GPD2: variants seen among roughly 807,000 people sequenced by gnomAD.
GPD2 encodes the protein glycerol-3-phosphate dehydrogenase, mitochondrial.
A neutral mutation model predicts 82.4 loss-of-function variants in GPD2; 54 were observed. The ratio of observed to expected loss-of-function variants is 0.66; its 90% CI spans 0.53 to 0.82. The LOEUF is 0.82. Among genes scored for constraint, GPD2 ranks in the 40% least tolerant of loss-of-function variants. GPD2 has a pLI of 0.00. For missense variants in GPD2, 748 were observed against 896.2 expected, an observed-to-expected ratio of 0.83 and a Z score of 2.11; for synonymous variants, 288 against 306.1, an observed-to-expected ratio of 0.94 and a Z score of 0.62.
intron 2 of GPD2, among the ~76,000 whole-genome samples, chr2:156,492,886 A>G (rs1207722500): frequency 3.9e-5 from 6 of 152,230 alleles, no homozygotes; most frequent in Non-Finnish European, 8.8e-5. Context: ...ATTGACAGAG[A>G]AAAAGGTTTG....
chr2:156,489,008 G>A (rs1684049888), intron 2 of GPD2, among the ~76,000 whole-genome samples: 1 of 152,208 alleles, frequency 6.6e-6, no homozygotes, highest in Non-Finnish European at 1.5e-5. Context: ...TTTGTTTTGT[G>A]TGTTGGGCTC....
the GPD2 span, among the ~76,000 whole-genome samples, chr2:156,426,175 G>A: frequency 6.6e-6 from 1 of 152,150 alleles, no homozygotes; most frequent in Non-Finnish European, 1.5e-5. Context: ...CGCCCGCCTT[G>A]GCCTCCCAAA....
rs374127291 is a variant in GPD2 at position 156,450,560 on chromosome 2, G to T, written c.-9+14047G>T. On this transcript the variant is annotated intron_variant, in intron 1 of 16. Coordinates refer to ENST00000438166, the MANE Select transcript of GPD2 (RefSeq NM_000408.5). ...TTATAGAGATTACATTTGGTGAAAT[G>T]AGGTCATTTGTGATTTTGACAATTT... Among the ~76,000 whole-genome samples, 5 of 152,032 alleles carry T rather than the reference G, an allele frequency of 3.3e-5. No homozygotes were observed. The East Asian group carries it at 9.6e-4, about 29-fold the overall frequency.
chr2:156,570,294 A>T lies in GPD2; in HGVS notation c.1608+76A>T, dbSNP rs912288267. On this transcript the variant is annotated intron_variant, in intron 12 of 16. Coordinates refer to ENST00000438166, the MANE Select transcript of GPD2 (RefSeq NM_000408.5). ...ATCTGTTCATTTGTCATCTTTAAAAATTATATGTAGCTAAGTTTTAATGCA... is the reference window on the plus strand; with the variant it reads ...ATCTGTTCATTTGTCATCTTTAAAATTTATATGTAGCTAAGTTTTAATGCA... 8 of 1,376,052 alleles carry T rather than the reference A, an allele frequency of 5.8e-6. No individual in the cohort carries two copies. In the Admixed American group the frequency reaches 1.0e-4, roughly 17 times the overall value. 85.2% of individuals were successfully genotyped at this position (1,376,052 alleles called of 1,614,324 possible).
At chr2:156,493,958 G>GTGTGTGTGTGTGTGTGTATA (rs60643688) in intron 2 of GPD2, among the ~76,000 whole-genome samples, 1 of 143,410 alleles carries the variant, frequency 7.0e-6, no homozygotes, top group African/African-American at 2.6e-5. Context: ...GTGTGTGTGT[G>GTGTGTGTGTGTGTGTGTATA]TATAATTTTT....
At chr2:156,520,219 G>A (rs1368263192) in intron 6 of GPD2, among the ~76,000 whole-genome samples, 6 of 152,240 alleles carry the variant, frequency 3.9e-5, no homozygotes, top group Admixed American at 3.3e-4. Flanking sequence ...GGGTCAGGGT[G>A]GTTTTTGAAA....
upstream of GPD2, among the ~76,000 whole-genome samples, chr2:156,432,654 C>G (rs1688330876): frequency 6.6e-6 from 1 of 152,166 alleles, no homozygotes; most frequent in Non-Finnish European, 1.5e-5. Flanking sequence ...AAAATATGCT[C>G]TAAATAACTT....
chr2:156,424,284 G>A, the GPD2 span, among the ~76,000 whole-genome samples: 2 of 152,056 alleles, frequency 1.3e-5, no homozygotes, highest in Non-Finnish European at 2.9e-5. Context: ...AATATTACAT[G>A]CAATAGTAAT....
chr2:156,463,426 T>C (rs945259205), intron 1 of GPD2, among the ~76,000 whole-genome samples: 1 of 152,248 alleles, frequency 6.6e-6, no homozygotes, highest in African/African-American at 2.4e-5. Context: ...ATGCAAGTTT[T>C]AATTATCTAA....
chr2:156,444,413 T>C (rs1484989940), intron 1 of GPD2, among the ~76,000 whole-genome samples: 1 of 152,182 alleles, frequency 6.6e-6, no homozygotes, highest in Admixed American at 6.5e-5. Context: ...GGGATACTTA[T>C]CTAAAAAATA....
chr2:156,535,650 C>T (rs926616539), intron 6 of GPD2, among the ~76,000 whole-genome samples: 1 of 151,890 alleles, frequency 6.6e-6, no homozygotes, highest in African/African-American at 2.4e-5. Flanking sequence ...TCTTTTGTTA[C>T]ATCTTTGATT....
intron 3 of GPD2, among the ~76,000 whole-genome samples, chr2:156,499,794 A>G (rs1205903651): frequency 6.7e-6 from 1 of 149,812 alleles, no homozygotes; most frequent in Non-Finnish European, 1.5e-5. Context: ...ATTATTCTTT[A>G]GGTTGTTTTT....
At chr2:156,417,771 T>C in the GPD2 span, among the ~76,000 whole-genome samples, 1 of 152,160 alleles carries the variant, frequency 6.6e-6, no homozygotes, top group Non-Finnish European at 1.5e-5. Flanking sequence ...TAGTCTCAGC[T>C]ACTTGGGAGG....
In GPD2 at chr2:156,578,917, T is replaced by C. The variant is rs755954761; in HGVS notation, c.1796T>C (p.Leu599Pro). ...CAACTTGAAACAGCCAGGAAGTTTC[T>C]ATATTATGAAATGGGCTATAAATCT... ...QEQLETARKF[L>P]YYEMGYKSRS... Residue 599 changes from leucine to proline, a missense_variant, in exon 14 of 17, where the codon CTA (leucine) becomes CCA (proline). This residue lies in a region of GPD2 where 692 missense variants were observed against 809.7 expected (regional missense o/e 0.85). Coordinates refer to ENST00000438166, the MANE Select transcript of GPD2 (RefSeq NM_000408.5). The C allele has an allele frequency of 6.2e-7, 1 of 1,608,392 alleles. No homozygotes were observed. The highest frequency in any genetic ancestry group is 8.5e-7 in the Non-Finnish European group (1 of 1,175,280).
chr2:156,528,283 C>G (rs1685688180), intron 6 of GPD2, among the ~76,000 whole-genome samples: 1 of 151,740 alleles, frequency 6.6e-6, no homozygotes, highest in Non-Finnish European at 1.5e-5. Flanking sequence ...TGCCTTTTTC[C>G]TCTGTCTTCT....
At chr2:156,471,654 C>T (rs1222232838) in intron 1 of GPD2, among the ~76,000 whole-genome samples, 6 of 152,222 alleles carry the variant, frequency 3.9e-5, no homozygotes, top group Non-Finnish European at 8.8e-5. Flanking sequence ...CAAGACCCTT[C>T]TCCAAAATCC....
the GPD2 span, among the ~76,000 whole-genome samples, chr2:156,420,449 G>A: frequency 6.6e-6 from 1 of 152,068 alleles, no homozygotes. Flanking sequence ...GGGATTACAG[G>A]CATAAGTCAC....
chr2:156,553,168 G>A (rs1490297982), intron 8 of GPD2, among the ~76,000 whole-genome samples: 35 of 151,992 alleles, frequency 2.3e-4, no homozygotes, highest in African/African-American at 8.2e-4. Context: ...GATTACAGAC[G>A]TGAGCCACTG....
At chr2:156,491,173 C>G (rs1261876060) in intron 2 of GPD2, among the ~76,000 whole-genome samples, 3 of 152,202 alleles carry the variant, frequency 2.0e-5, no homozygotes, top group African/African-American at 7.2e-5. Flanking sequence ...TTGTACAGAA[C>G]ATGATATAAA....
Sources: allele counts gnomAD v4.1 joint callset (sites outside exome capture counted in the v4.1 genomes callset), GRCh38; gene constraint gnomAD v4.1.1; regional missense constraint gnomAD v4.1.1; transcripts MANE v1.5; gene names NCBI Gene and HGNC (gene_info 2026-07-23, HGNC 2026-07-21).